Variants in KPNA1 observed in about 807,000 individuals in gnomAD.
KPNA1 encodes karyopherin subunit alpha 1, also known as importin subunit alpha-5.
A neutral mutation model predicts 70.5 loss-of-function variants in KPNA1; 10 were observed. That is an observed-to-expected ratio of 0.14 (90% confidence interval 0.09 to 0.24). The LOEUF is 0.24. Ranked by LOEUF, KPNA1 falls within the 10% of genes least tolerant of loss-of-function variation. The pLI is 1.00. For synonymous variants in KPNA1, 192 were observed against 221.9 expected (o/e 0.87, Z 1.20); for missense variants, 397 against 637.9 (o/e 0.62, Z 4.07).
intron 2 of KPNA1, among the ~76,000 whole-genome samples, chr3:122,478,053 T>C (rs2107475939): frequency 6.7e-6 from 1 of 149,892 alleles, no homozygotes; most frequent in South Asian, 2.1e-4. Context: ...TGCCAGCTAC[T>C]TGGGAGGCTG....
At chr3:122,465,139 T>C (rs1293428990) in intron 3 of KPNA1, among the ~76,000 whole-genome samples, 1 of 152,232 alleles carries the variant, frequency 6.6e-6, no homozygotes, top group African/African-American at 2.4e-5. Flanking sequence ...CATTATAATA[T>C]TTAAGTCACA....
intron 5 of KPNA1, among the ~76,000 whole-genome samples, chr3:122,457,223 T>G (rs967812456): frequency 3.3e-5 from 5 of 152,226 alleles, no homozygotes; most frequent in Non-Finnish European, 7.4e-5. Context: ...ATTTTTTTGT[T>G]TTTTCTAAAT....
At chr3:122,461,091 G>A (rs1163416649) in intron 5 of KPNA1, 133 bp downstream of exon 5, 3 of 526,148 alleles carry the variant, frequency 5.7e-6, no homozygotes. Context: ...AGCTTGCAAT[G>A]TAGTTGTCAG....
At chr3:122,464,311 C>G (rs1237715375) in intron 3 of KPNA1, 2 of 307,582 alleles carry the variant, frequency 6.5e-6, no homozygotes, top group African/African-American at 4.3e-5. Context: ...CCTCCTTGCT[C>G]ATCACATAGC....
At chr3:122,467,957 G>C (rs1395108593) in intron 2 of KPNA1, among the ~76,000 whole-genome samples, 1 of 152,170 alleles carries the variant, frequency 6.6e-6, no homozygotes, top group Non-Finnish European at 1.5e-5. Context: ...AATGTGTATA[G>C]GCAAAGGAGA....
intron 2 of KPNA1, among the ~76,000 whole-genome samples, chr3:122,472,537 A>C (rs935816862): frequency 3.9e-5 from 6 of 152,202 alleles, no homozygotes; most frequent in Admixed American, 3.9e-4. Context: ...ACAGAAAAAG[A>C]AGCAGCGAAT....
chr3:122,501,573 A>G (rs1386314339), intron 1 of KPNA1, among the ~76,000 whole-genome samples: 1 of 152,214 alleles, frequency 6.6e-6, no homozygotes, highest in Non-Finnish European at 1.5e-5. Context: ...TGATCAAAGA[A>G]CAGGATCCTT....
At chr3:122,427,746 A>C (rs780898937) in intron 12 of KPNA1, 30 bp from the exon 13 acceptor site, 1 of 1,442,208 alleles carries the variant, frequency 6.9e-7, no homozygotes, top group Admixed American at 2.2e-5. Context: ...TAGTCAAACA[A>C]AACTTTTAAT....
chr3:122,453,358 T>C (rs1340436885), intron 6 of KPNA1, among the ~76,000 whole-genome samples: 1 of 152,182 alleles, frequency 6.6e-6, no homozygotes, highest in Non-Finnish European at 1.5e-5. Context: ...AGGGGAAGAT[T>C]ATTTTATGTG....
At chr3:122,485,455 C>CA (rs11289502) in intron 2 of KPNA1, among the ~76,000 whole-genome samples, 391 of 139,038 alleles carry the variant, frequency 2.8e-3, no homozygotes, top group Middle Eastern at 7.4e-3. Context: ...AGCCATATGC[C>CA]AAAAAAAAAA....
In KPNA1 at chr3:122,425,185, G is replaced by T. The variant is rs1307181676; in HGVS notation, c.*1800C>A. 6.6e-6 allele frequency: 1 copy of T among 152,622 alleles called. No homozygotes were observed. Among genetic ancestry groups the T allele is most frequent in the Non-Finnish European group, 1.5e-5 (1 of 68,036 alleles). The allele number at this position is 152,622 out of a possible 1,614,324, so 9.5% of individuals were successfully genotyped here. A position where few individuals can be genotyped will look rare whatever the true frequency, so the allele number is the denominator to read the frequency against. The stretch of plus-strand genomic sequence containing the variant: ...CACTCTTGGCTGATAAATGTCCTTT[G>T]TCTTTGACTCTTTCTAGTTTGAATG... On this transcript the variant is annotated 3_prime_UTR_variant, in exon 14 of 14. Transcript: ENST00000344337.
chr3:122,482,373 T>C (rs1170982433), intron 2 of KPNA1, among the ~76,000 whole-genome samples: 1 of 152,236 alleles, frequency 6.6e-6, no homozygotes, highest in East Asian at 1.9e-4. Flanking sequence ...TACATGACTA[T>C]ATATGAAAAA....
chr3:122,457,494 A>G (rs1236305777), intron 5 of KPNA1, among the ~76,000 whole-genome samples: 2 of 152,254 alleles, frequency 1.3e-5, no homozygotes, highest in Non-Finnish European at 2.9e-5. Flanking sequence ...TATTCTTAAT[A>G]TCCAAGAATG....
chr3:122,458,194 TG>T (rs1440847616), intron 5 of KPNA1, among the ~76,000 whole-genome samples: 1 of 152,196 alleles, frequency 6.6e-6, no homozygotes, highest in Non-Finnish European at 1.5e-5. Context: ...ATCTCAGCAT[TG>T]CAAAGGACAG....
chr3:122,513,849 G>A (rs551984920), intron 1 of KPNA1, among the ~76,000 whole-genome samples: 2 of 152,294 alleles, frequency 1.3e-5, no homozygotes, highest in Non-Finnish European at 2.9e-5. Context: ...AGGACAGTTT[G>A]AGCTCAGGAG....
At chr3:122,429,510 T>G (rs970770794) in intron 12 of KPNA1, among the ~76,000 whole-genome samples, 4 of 123,090 alleles carry the variant, frequency 3.2e-5, no homozygotes, top group Admixed American at 7.8e-5. Flanking sequence ...GTAAATCTAA[T>G]AAATATGTAC....
At chr3:122,452,843 GAAAA>G (rs895564280) in intron 6 of KPNA1, among the ~76,000 whole-genome samples, 1 of 151,764 alleles carries the variant, frequency 6.6e-6, no homozygotes, top group Non-Finnish European at 1.5e-5. Flanking sequence ...AAGACAGAAA[GAAAA>G]AAAGAGACAG....
chr3:122,437,018 G>A (rs1456097908), intron 11 of KPNA1, 152 bp downstream of exon 11: 8 of 670,214 alleles, frequency 1.2e-5, no homozygotes, highest in Non-Finnish European at 2.0e-5. Flanking sequence ...GACCGCAAGT[G>A]ATCCACGGGC....
intron 1 of KPNA1, among the ~76,000 whole-genome samples, chr3:122,502,045 G>A (rs759167794): frequency 2.0e-5 from 3 of 152,154 alleles, no homozygotes; most frequent in Non-Finnish European, 4.4e-5. Context: ...CCTGGGTTGA[G>A]AATCACTAAT....
Sources: allele counts gnomAD v4.1 joint callset (sites outside exome capture counted in the v4.1 genomes callset), GRCh38; gene constraint gnomAD v4.1.1; transcripts MANE v1.5; gene names NCBI Gene and HGNC (gene_info 2026-07-23, HGNC 2026-07-21).